The following PLXDC2 variants were observed in gnomAD, a reference collection of about 807,000 sequenced individuals.
The protein encoded by PLXDC2 is plexin domain containing 2.
A neutral mutation model predicts 68.9 loss-of-function variants in PLXDC2; 40 were observed. The ratio of observed to expected loss-of-function variants is 0.58; its 90% CI spans 0.45 to 0.76. The LOEUF is 0.76. Ranked by LOEUF, PLXDC2 falls within the 30% of genes least tolerant of loss-of-function variation. PLXDC2 has a pLI of 0.00. For missense variants in PLXDC2, 644 were observed against 661.9 expected (o/e 0.97, Z 0.30); for synonymous variants, 243 against 234.2 (o/e 1.04, Z -0.34).
At chr10:20,046,063 A>T (rs1262142674) in intron 2 of PLXDC2, among the ~76,000 whole-genome samples, 2 of 152,168 alleles carry the variant, frequency 1.3e-5, no homozygotes, top group African/African-American at 2.4e-5. Context: ...GAAAAAATAT[A>T]TTGTGTCCAT....
At chr10:19,888,547 A>G (rs190853381) in intron 1 of PLXDC2, among the ~76,000 whole-genome samples, 1 of 152,120 alleles carries the variant, frequency 6.6e-6, no homozygotes, top group Non-Finnish European at 1.5e-5. Flanking sequence ...TACTGTAACC[A>G]GAATATGGCT....
At chr10:19,927,346 A>G (rs1368008615) in intron 1 of PLXDC2, among the ~76,000 whole-genome samples, 1 of 152,118 alleles carries the variant, frequency 6.6e-6, no homozygotes, top group South Asian at 2.1e-4. Context: ...TCTGAAGGAT[A>G]AGATTATTTT....
rs16919482 is a variant in PLXDC2, at chr10:19,874,891, T to A, written c.112+57700T>A. Among the ~76,000 whole-genome samples the A allele has an allele frequency of 8.2e-3, 1,244 of 152,168 alleles. 20 individuals are homozygous for A. The highest frequency in any genetic ancestry group is 0.029 in the African/African-American group (1,184 of 41,506). On this transcript the variant is annotated intron_variant, in intron 1 of 13. Coordinates refer to ENST00000377252, the MANE Select transcript of PLXDC2 (RefSeq NM_032812.9). ...TTTTCAGAGACGAGGATGGGAAGGT[T>A]CATTGGCACCTGTTCTTCGAGGTTC... is the stretch of plus-strand genomic sequence containing the variant.
intron 7 of PLXDC2, among the ~76,000 whole-genome samples, chr10:20,174,213 A>G (rs1264549632): frequency 6.6e-6 from 1 of 152,124 alleles, no homozygotes; most frequent in Non-Finnish European, 1.5e-5. Flanking sequence ...TAAGAACTTA[A>G]TTGTTTAGCA....
intron 1 of PLXDC2, among the ~76,000 whole-genome samples, chr10:19,846,798 T>A (rs6482067): frequency 6.6e-6 from 1 of 152,080 alleles, no homozygotes; most frequent in Non-Finnish European, 1.5e-5. Context: ...TTCCTGTATT[T>A]GTCTGTTTTC....
intron 1 of PLXDC2, among the ~76,000 whole-genome samples, chr10:19,965,582 T>C (rs560331817): frequency 2.0e-5 from 3 of 152,256 alleles, no homozygotes; most frequent in Admixed American, 1.3e-4. Context: ...GACATCTGCT[T>C]CTGGAATAAT....
chr10:20,122,250 G>C (rs374204766), intron 4 of PLXDC2, among the ~76,000 whole-genome samples: 208 of 152,246 alleles, frequency 1.4e-3, no homozygotes, highest in African/African-American at 4.8e-3. Flanking sequence ...CTGTCAATAC[G>C]CACCACAGTT....
At chr10:19,970,938 A>G (rs922265777) in intron 1 of PLXDC2, among the ~76,000 whole-genome samples, 2 of 152,302 alleles carry the variant, frequency 1.3e-5, no homozygotes, top group Middle Eastern at 3.4e-3. Context: ...CTTCGTTCCA[A>G]TCTCACAGAA....
chr10:20,028,403 G>A (rs1835438589), intron 2 of PLXDC2, among the ~76,000 whole-genome samples: 1 of 152,112 alleles, frequency 6.6e-6, no homozygotes, highest in African/African-American at 2.4e-5. Context: ...AAATGCAGGT[G>A]TTATTTGAAT....
intron 1 of PLXDC2, among the ~76,000 whole-genome samples, chr10:19,961,514 G>A (rs1324245943): frequency 6.6e-6 from 1 of 152,248 alleles, no homozygotes; most frequent in Admixed American, 6.5e-5. Context: ...ATTGCGTAAG[G>A]AGGGTTCAGC....
intron 13 of PLXDC2, 117 bp from the exon 14 acceptor site, chr10:20,279,586 A>T: frequency 1.3e-6 from 1 of 766,854 alleles, no homozygotes; most frequent in Non-Finnish European, 2.2e-6. Context: ...ATAATAAGAG[A>T]TAATTTAATG....
intron 1 of PLXDC2, among the ~76,000 whole-genome samples, chr10:19,837,405 AGAGAGTGTGTGT>A (rs1394565902): frequency 0.017 from 764 of 45,014 alleles, 4 homozygotes; most frequent in African/African-American, 0.048. Flanking sequence ...AGAGAGAGAG[AGAGAGTGTGTGT>A]GTGTGTGTGT....
At chr10:20,263,550 T>C (rs2778971) in intron 13 of PLXDC2, among the ~76,000 whole-genome samples, 132,484 of 152,196 alleles carry the variant, frequency 0.87, 58,107 homozygotes, top group Middle Eastern at 0.95. Context: ...CAAAAGGAAC[T>C]GTCAACAAAG....
intron 7 of PLXDC2, among the ~76,000 whole-genome samples, chr10:20,169,997 A>G (rs1390261439): frequency 1.3e-5 from 2 of 152,158 alleles, no homozygotes; most frequent in Non-Finnish European, 2.9e-5. Flanking sequence ...TTGTGTTACA[A>G]TGCACCTTTG....
intron 1 of PLXDC2, among the ~76,000 whole-genome samples, chr10:19,891,930 C>G (rs1837970973): frequency 6.6e-6 from 1 of 152,020 alleles, no homozygotes; most frequent in Admixed American, 6.5e-5. Flanking sequence ...AAAGAATAGC[C>G]TAGCTTTATT....
intron 2 of PLXDC2, among the ~76,000 whole-genome samples, chr10:20,015,300 T>C (rs55818942): frequency 0.16 from 24,125 of 151,224 alleles, 2,372 homozygotes; most frequent in Non-Finnish European, 0.22. Flanking sequence ...TACTAAAGTG[T>C]TTTTTTTTCC....
At chr10:20,028,586 G>A (rs1835446389) in intron 2 of PLXDC2, among the ~76,000 whole-genome samples, 1 of 152,112 alleles carries the variant, frequency 6.6e-6, no homozygotes, top group South Asian at 2.1e-4. Context: ...ACTGACATAA[G>A]TTACTCTAAA....
chr10:20,077,423 C>A (rs1038714982), intron 4 of PLXDC2, among the ~76,000 whole-genome samples: 1 of 152,102 alleles, frequency 6.6e-6, no homozygotes, highest in Non-Finnish European at 1.5e-5. Context: ...AGCTATATAG[C>A]TCTGGAACTG....
chr10:19,910,473 G>A (rs945623498), intron 1 of PLXDC2, among the ~76,000 whole-genome samples: 7 of 151,834 alleles, frequency 4.6e-5, no homozygotes, highest in African/African-American at 1.2e-4. Context: ...GTGGGATTAC[G>A]GATCTGGTGC....
Sources: gnomAD v4.1 joint callset for allele counts (sites outside exome capture counted in the v4.1 genomes callset) on GRCh38, gnomAD v4.1.1 for gene constraint, MANE v1.5 for transcripts, NCBI Gene and HGNC (gene_info 2026-07-23, HGNC 2026-07-21) for gene names.